Variants in HACD2 observed in about 807,000 individuals in gnomAD.
The protein encoded by HACD2 is very-long-chain (3R)-3-hydroxyacyl-CoA dehydratase 2.
A neutral mutation model predicts 31.0 loss-of-function variants in HACD2; 15 were observed. That is an observed-to-expected ratio of 0.48 (90% confidence interval 0.32 to 0.75). The LOEUF (loss-of-function observed/expected upper bound fraction) is 0.75, where lower values mean the gene tolerates loss of function less well. Among genes scored for constraint, HACD2 ranks in the 30% least tolerant of loss-of-function variants. The probability of loss-of-function intolerance (pLI) is 0.03; values close to 1 mark genes in which losing one functional copy is unlikely to be tolerated. For synonymous variants in HACD2, 115 were observed against 122.2 expected (o/e 0.94, Z 0.39); for missense variants, 283 against 313.0 (o/e 0.90, Z 0.72).
chr3:123,581,859 C>A (rs1280324986), intron 2 of HACD2, among the ~76,000 whole-genome samples: 1 of 152,176 alleles, frequency 6.6e-6, no homozygotes, highest in Non-Finnish European at 1.5e-5. Context: ...CTTCCAATAT[C>A]CTACACCCAC....
At chr3:123,544,408 G>T (rs7634187) in intron 3 of HACD2, among the ~76,000 whole-genome samples, 27,941 of 152,072 alleles carry the variant, frequency 0.18, 2,719 homozygotes, top group African/African-American at 0.2. Flanking sequence ...ACATTAAATG[G>T]TCATTGCAAA....
In HACD2 at chr3:123,492,898, A is replaced by G. The variant is rs2055781226; in HGVS notation, c.*1990T>C. 6.6e-6 allele frequency: 1 copy of G among 152,234 alleles called. No homozygotes were observed. The highest frequency in any genetic ancestry group is 1.5e-5 in the Non-Finnish European group (1 of 68,040). The allele number at this position is 152,234 out of a possible 1,614,324, so 9.4% of individuals were successfully genotyped here. On this transcript the variant is annotated 3_prime_UTR_variant, in exon 7 of 7. Transcript: ENST00000383657. ...AAGTCATGCAAAAAATCTTTCCCAC[A>G]TATTTTGTCTATCAAATACAAGAAT... is the stretch of plus-strand genomic sequence containing the variant.
At chr3:123,577,346 G>A (rs937399699) in intron 2 of HACD2, among the ~76,000 whole-genome samples, 1 of 152,052 alleles carries the variant, frequency 6.6e-6, no homozygotes, top group African/African-American at 2.4e-5. Flanking sequence ...CTTTGGCCGG[G>A]CGCAGTGGCT....
intron 3 of HACD2, among the ~76,000 whole-genome samples, chr3:123,535,925 T>A (rs549835848): frequency 1.3e-5 from 2 of 152,186 alleles, no homozygotes; most frequent in East Asian, 1.9e-4. Flanking sequence ...TCCCTCCCAA[T>A]CCCATCACTA....
intron 2 of HACD2, among the ~76,000 whole-genome samples, chr3:123,570,931 C>CACACACACACACAT (rs1210438430): frequency 6.6e-6 from 1 of 151,712 alleles, no homozygotes; most frequent in Admixed American, 6.6e-5. Flanking sequence ...CACACACACA[C>CACACACACACACAT]ACACACACAC....
In HACD2 at chr3:123,514,100, C is replaced by T. The variant is rs112554728; in HGVS notation, c.382-11419G>A. Among the ~76,000 whole-genome samples the T allele has an allele frequency of 4.2e-3, 638 of 152,160 alleles. 3 individuals carry two copies. The highest frequency in any genetic ancestry group is 0.015 in the African/African-American group (605 of 41,502). On this transcript the variant is annotated intron_variant, in intron 4 of 6. Coordinates refer to ENST00000383657, the MANE Select transcript of HACD2 (RefSeq NM_198402.5). Reference sequence around the variant, plus strand: ...GACCAGCCTGGGCAACATGGTGAAACCCTGCCACTACAAAAAATACAAAAA... The same window carrying T: ...GACCAGCCTGGGCAACATGGTGAAATCCTGCCACTACAAAAAATACAAAAA...
chr3:123,530,754 G>A (rs2075731592), intron 3 of HACD2, among the ~76,000 whole-genome samples: 1 of 151,758 alleles, frequency 6.6e-6, no homozygotes, highest in Admixed American at 6.6e-5. Flanking sequence ...GTCTTGCTAT[G>A]TTGCCCAGGC....
intron 3 of HACD2, among the ~76,000 whole-genome samples, 164 bp from the exon 4 acceptor site, chr3:123,528,638 A>C (rs1465623153): frequency 6.6e-6 from 1 of 152,218 alleles, no homozygotes; most frequent in Non-Finnish European, 1.5e-5. Context: ...TGTAGTCCAC[A>C]TTAAAACAAA....
chr3:123,584,963 G>A lies in HACD2; in HGVS notation c.65C>T (p.Ala22Val), dbSNP rs2057013115. Residue 22 changes from alanine to valine, a missense_variant, in exon 1 of 7, where the codon GCC becomes GTC. Around this residue, in one of 3 missense-constraint regions of HACD2, gnomAD observed 158 missense variants for 148.3 expected, o/e 1.07. Coordinates refer to ENST00000383657, the MANE Select transcript of HACD2 (RefSeq NM_198402.5). The stretch of plus-strand genomic sequence containing the variant: ...CTTCCGCGTGCCGCTGGCGTCCCCG[G>A]CCCCGGCCCTGCCACCGCCGCCCCC... ...GNGGGGGRAG[A>V]GDASGTRKKK... 2 of 1,527,358 alleles carry A rather than the reference G, an allele frequency of 1.3e-6. No homozygotes were observed. Among genetic ancestry groups the A allele is most frequent in the African/African-American group, 2.9e-5 (2 of 69,890 alleles). The allele number at this position is 1,527,358 out of a possible 1,614,324, so 94.6% of individuals were successfully genotyped here. A position where few individuals can be genotyped will look rare whatever the true frequency, so the allele number is the denominator to read the frequency against.
chr3:123,551,920 T>C (rs2056624571), intron 3 of HACD2, among the ~76,000 whole-genome samples: 2 of 152,144 alleles, frequency 1.3e-5, no homozygotes. Flanking sequence ...CAGTAACAAA[T>C]ACAAGCATAC....
rs774326501 is a variant in HACD2 at position 123,502,550 on chromosome 3, G to A, written c.503+10C>T. On this transcript the variant is annotated intron_variant, in intron 5 of 6. Transcript: ENST00000383657. ...TTCAAAAGTGAGCCTTTTGAAATGT[G>A]CTTTTTTACCTGGCCCATTTGATGA... The A allele has an allele frequency of 6.2e-7, 1 of 1,610,516 alleles. No homozygotes were observed. The highest frequency in any genetic ancestry group is 1.7e-5 in the Admixed American group (1 of 59,704).
chr3:123,554,442 A>T (rs2056653241), intron 3 of HACD2, among the ~76,000 whole-genome samples: 1 of 152,034 alleles, frequency 6.6e-6, no homozygotes, highest in Non-Finnish European at 1.5e-5. Context: ...CCAAGGCTAA[A>T]GTGTGCTATG....
chr3:123,516,800 T>A (rs919486845), intron 4 of HACD2, among the ~76,000 whole-genome samples: 3 of 152,176 alleles, frequency 2.0e-5, no homozygotes, highest in African/African-American at 7.2e-5. Flanking sequence ...TTCCCATTAG[T>A]CCAACTTTAA....
chr3:123,538,581 AG>A (rs2056453091), intron 3 of HACD2, among the ~76,000 whole-genome samples: 1 of 152,224 alleles, frequency 6.6e-6, no homozygotes, highest in African/African-American at 2.4e-5. Flanking sequence ...TTCTCTAACT[AG>A]GGCATGCATA....
intron 3 of HACD2, among the ~76,000 whole-genome samples, chr3:123,566,159 G>A (rs77313865): frequency 0.1 from 15,843 of 152,044 alleles, 1,267 homozygotes; most frequent in African/African-American, 0.23. Flanking sequence ...CTCCCTACAC[G>A]CCCCTCCAAA....
chr3:123,576,051 T>C (rs1252353091), intron 2 of HACD2, among the ~76,000 whole-genome samples: 1 of 152,166 alleles, frequency 6.6e-6, no homozygotes, highest in African/African-American at 2.4e-5. Context: ...CTATATATAT[T>C]GTTTTTCTGT....
intron 3 of HACD2, among the ~76,000 whole-genome samples, chr3:123,560,524 T>C (rs1386967585): frequency 1.3e-5 from 2 of 151,970 alleles, no homozygotes; most frequent in African/African-American, 4.8e-5. Context: ...TACATCCCTT[T>C]CTCCCCCATC....
Position 123,524,114 on chromosome 3 carries a change from CT to C in HACD2, c.381+4271del, listed in dbSNP as rs2056250199. ...AAAGAGATGCTGAGATTGGGTTAGG[CT>C]TCAAGTAAACTAAGTAGAAAAGTAA... is the stretch of plus-strand genomic sequence containing the variant. On this transcript the variant is annotated intron_variant, in intron 4 of 6. Coordinates refer to ENST00000383657, the MANE Select transcript of HACD2 (RefSeq NM_198402.5). 2.0e-5 allele frequency among the ~76,000 whole-genome samples: 3 copies of C among 152,262 alleles called. No individual in the cohort carries two copies. The South Asian group carries it at 6.2e-4, about 32-fold the overall frequency.
In HACD2 at chr3:123,507,507, A is replaced by T. The variant is rs78427161; in HGVS notation, c.382-4826T>A. Among the ~76,000 whole-genome samples, 766 of 152,328 alleles carry T rather than the reference A, an allele frequency of 5.0e-3. 8 individuals are homozygous for T. The highest frequency in any genetic ancestry group is 0.017 in the African/African-American group (711 of 41,566). ...ATCATGTTGAATGAAAGAAGCCAAAAGCAAATCATCATACATTATATGATT... is the reference window on the plus strand; with the variant it reads ...ATCATGTTGAATGAAAGAAGCCAAATGCAAATCATCATACATTATATGATT... On this transcript the variant is annotated intron_variant, in intron 4 of 6. Coordinates refer to ENST00000383657, the MANE Select transcript of HACD2 (RefSeq NM_198402.5).
Sources: allele counts gnomAD v4.1 joint callset (sites outside exome capture counted in the v4.1 genomes callset), GRCh38; gene constraint gnomAD v4.1.1; regional missense constraint gnomAD v4.1.1; transcripts MANE v1.5; gene names NCBI Gene and HGNC (gene_info 2026-07-23, HGNC 2026-07-21).